The following ATP4A variants were observed in gnomAD, a reference collection of about 807,000 sequenced individuals.
ATP4A encodes potassium-transporting ATPase alpha chain 1.
ATP4A carries 73 observed loss-of-function variants against 112.1 expected under a neutral mutation model. That is an observed-to-expected ratio of 0.65 (90% CI 0.54 to 0.79). ATP4A has a LOEUF of 0.79. Among genes scored for constraint, ATP4A ranks in the 30% least tolerant of loss-of-function variants. The pLI, the probability that ATP4A is intolerant of heterozygous loss-of-function variation, is 0.00. For missense variants in ATP4A, 1,081 were observed against 1,425.9 expected, an observed-to-expected ratio of 0.76 and a Z score of 3.90; for synonymous variants, 588 against 588.9, an observed-to-expected ratio of 1.00 and a Z score of 0.02.
In ATP4A at chr19:35,555,865, T is replaced by A; in HGVS notation, c.1870-53A>T. The A allele has an allele frequency of 6.4e-7, 1 of 1,553,920 alleles. No individual in the cohort carries two copies. Among genetic ancestry groups the A allele is most frequent in the Non-Finnish European group, 8.7e-7 (1 of 1,143,578 alleles). ...CCCCTTCAGATCAGCCCAATCTCCC[T>A]GTCCTCCCTGGGAGACATCTGCTGA... On this transcript the variant is annotated intron_variant, in intron 12 of 21. Transcript: ENST00000262623. This position sits in a 1 kb window ranked among gnomAD's most constrained non-coding sequence, Gnocchi z 6.6.
At chr19:35,553,413 GAGAC>G (rs1174250564) in intron 17 of ATP4A, among the ~76,000 whole-genome samples, 1 of 152,134 alleles carries the variant, frequency 6.6e-6, no homozygotes, top group African/African-American at 2.4e-5. Flanking sequence ...CAGGGACAGA[GAGAC>G]AGAGGCAGGG....
In ATP4A at chr19:35,560,629, G is replaced by T; in HGVS notation, c.535-14C>A. On this transcript the variant is annotated splice_polypyrimidine_tract_variant and intron_variant, in intron 5 of 21. Transcript: ENST00000262623. The surrounding 1 kb of genome is among the most constrained non-coding windows in gnomAD (Gnocchi z 5.1). ...GACAGTGGCTTGCTGCGGGGCAGGGGCACCAAAGTTGAGGTGGACGGGGGT... is the reference window on the plus strand; with the variant it reads ...GACAGTGGCTTGCTGCGGGGCAGGGTCACCAAAGTTGAGGTGGACGGGGGT... 3.6e-6 allele frequency: 5 copies of T among 1,408,400 alleles called. No individual in the cohort carries two copies. The highest frequency in any genetic ancestry group is 4.8e-6 in the Non-Finnish European group (5 of 1,039,574). 87.2% of individuals were successfully genotyped at this position (1,408,400 alleles called of 1,614,324 possible). A position where few individuals can be genotyped will look rare whatever the true frequency, so the allele number is the denominator to read the frequency against.
rs1410911625 is a variant in ATP4A, at chr19:35,557,465, C to G, written c.1693+190G>C. Among the ~76,000 whole-genome samples the G allele has an allele frequency of 6.6e-6, 1 of 152,114 alleles. No homozygotes were observed. The highest frequency in any genetic ancestry group is 1.5e-5 in the Non-Finnish European group (1 of 68,018). On this transcript the variant is annotated intron_variant, in intron 11 of 21. Transcript: ENST00000262623. The surrounding 1 kb of genome is among the most constrained non-coding windows in gnomAD (Gnocchi z 4.4). ...TAAAAGTCCAGGTGAGGACTGGGGT[C>G]AAGGTAGAAAGTGAGGACAGACAGG...
intron 4 of ATP4A, among the ~76,000 whole-genome samples, chr19:35,561,377 A>C: frequency 6.6e-6 from 1 of 150,668 alleles, no homozygotes; most frequent in East Asian, 2.0e-4. Context: ...ATCTGCTGCC[A>C]CCCTCTGTGT....
chr19:35,555,557 C>T lies in ATP4A; in HGVS notation c.2040G>A (p.Gln680=). The T allele has an allele frequency of 6.3e-7, 1 of 1,589,780 alleles. No individual in the cohort carries two copies. The highest frequency in any genetic ancestry group is 8.6e-7 in the Non-Finnish European group (1 of 1,163,060). Residue 680 remains glutamine, a synonymous_variant, in exon 14 of 22, where the codon CAG becomes CAA. Coordinates refer to ENST00000262623, the MANE Select transcript of ATP4A (RefSeq NM_000704.3). This position sits in a 1 kb window ranked among gnomAD's most constrained non-coding sequence, Gnocchi z 6.6. ...GTTCCGATGGGTCCATGTCCTTCAGCTGCATGCCATTGATCACACAGGCAC... is the reference window on the plus strand; with the variant it reads ...GTTCCGATGGGTCCATGTCCTTCAGTTGCATGCCATTGATCACACAGGCAC... The part of the protein sequence containing the change: ...DARACVINGM[Q]LKDMDPSELV...
intron 12 of ATP4A, among the ~76,000 whole-genome samples, chr19:35,556,176 G>A (rs1188600345): frequency 6.6e-6 from 1 of 152,216 alleles, no homozygotes; most frequent in East Asian, 1.9e-4. Flanking sequence ...GGAAAGCTGG[G>A]AGAAGAGTGC....
At position 35,560,819 on chromosome 19, in the gene ATP4A, C is replaced by T. The variant is rs1187101421; in HGVS notation, c.534G>A (p.Gln178=). 3 of 1,613,794 alleles carry T rather than the reference C, an allele frequency of 1.9e-6. No homozygotes were observed. The highest frequency in any genetic ancestry group is 2.7e-5 in the African/African-American group (2 of 74,850). ...IIASFKNLVP[Q]QATVIRDGDK... ...AGTGGCTGGGTGCTGGGGAACCCACCTGTGGCACAAGGTTCTTAAAGCTGG... is the reference window on the plus strand; with the variant it reads ...AGTGGCTGGGTGCTGGGGAACCCACTTGTGGCACAAGGTTCTTAAAGCTGG... The change falls in exon 5 of 22, where the codon CAG becomes CAA. Residue 178 remains glutamine (Q), a splice_region_variant and synonymous_variant. Transcript: ENST00000262623. The surrounding 1 kb of genome is among the most constrained non-coding windows in gnomAD (Gnocchi z 5.1).
rs779689015 is a variant in ATP4A, at chr19:35,563,215, G to A, written c.210C>T (p.Ala70=). 1.2e-6 allele frequency: 2 copies of A among 1,613,754 alleles called. No homozygotes were observed. The highest frequency in any genetic ancestry group is 1.1e-5 in the South Asian group (1 of 91,058). The change falls in exon 3 of 22, where the codon GCC becomes GCT. Residue 70 remains alanine (A), a synonymous_variant. Coordinates refer to ENST00000262623, the MANE Select transcript of ATP4A (RefSeq NM_000704.3). The part of the protein sequence containing the change: ...AELEQKYQTS[A]TKGLSASLAA... ...CTCCCAGTCTCCAGCTCACCTTGGT[G>A]GCACTGGTCTGGTATTTCTGTTCCA... is the stretch of plus-strand genomic sequence containing the variant.
chr19:35,553,203 A>G, intron 17 of ATP4A, 21 bp from the exon 18 acceptor site: 1 of 1,581,880 alleles, frequency 6.3e-7, no homozygotes, highest in South Asian at 1.1e-5. Flanking sequence ...ACAAGGGGAC[A>G]CAGGGAGACA....
At position 35,553,046 on chromosome 19, in the gene ATP4A, G is replaced by GC; in HGVS notation, c.2741dup (p.Gln915ProfsTer24). ...GCGGGGCAGGGCTCACCCACTCCTG[G>GC]CCGTAGCTGTCCTGCAGATCTTGTA... On this transcript the variant is annotated frameshift_variant, in exon 18 of 22. Coordinates refer to ENST00000262623, the MANE Select transcript of ATP4A (RefSeq NM_000704.3). LOFTEE classifies it high-confidence loss of function. The GC allele has an allele frequency of 6.2e-7, 1 of 1,601,502 alleles. No homozygotes were observed. Among genetic ancestry groups the GC allele is most frequent in the Non-Finnish European group, 8.5e-7 (1 of 1,170,034 alleles).
rs1568315802 is a variant in ATP4A, at chr19:35,560,105, AG to A, written c.788-33del. On this transcript the variant is annotated intron_variant, in intron 6 of 21. Transcript: ENST00000262623. This position sits in a 1 kb window ranked among gnomAD's most constrained non-coding sequence, Gnocchi z 5.1. ...GGGGGCCAAGGCGCGACTCAGGGAT[AG>A]GGGGCGGCAGTGGGGTGTGCACTGC... 1 of 1,610,024 alleles carries A rather than the reference AG, an allele frequency of 6.2e-7. No individual in the cohort carries two copies.
chr19:35,562,209 A>G (rs1026488517), intron 4 of ATP4A, among the ~76,000 whole-genome samples: 46 of 151,382 alleles, frequency 3.0e-4, no homozygotes, highest in Admixed American at 3.3e-4. Context: ...GCCCCCACCT[A>G]TGTCCCCATA....
chr19:35,558,778 C>A lies in ATP4A; in HGVS notation c.1256-92G>T. 1 of 1,376,764 alleles carries A rather than the reference C, an allele frequency of 7.3e-7. No individual in the cohort carries two copies. Among genetic ancestry groups the A allele is most frequent in the South Asian group, 1.4e-5 (1 of 70,854 alleles). The allele number at this position is 1,376,764 out of a possible 1,614,324, so 85.3% of individuals were successfully genotyped here. A position where few individuals can be genotyped will look rare whatever the true frequency, so the allele number is the denominator to read the frequency against. ...CTCCTAGGCTCATATCGCGGGCCCCCTCCCCAGACCTGGGTGGAATTGGGT... is the reference window on the plus strand; with the variant it reads ...CTCCTAGGCTCATATCGCGGGCCCCATCCCCAGACCTGGGTGGAATTGGGT... On this transcript the variant is annotated intron_variant, in intron 8 of 21. Coordinates refer to ENST00000262623, the MANE Select transcript of ATP4A (RefSeq NM_000704.3). The surrounding 1 kb of genome is among the most constrained non-coding windows in gnomAD (Gnocchi z 5.1).
In ATP4A at chr19:35,553,765, T is replaced by A; in HGVS notation, c.2546A>T (p.Asn849Ile). ...ESDIMHLRPR[N>I]PKRDRLVNEP... is the part of the protein sequence containing the mutation. ...GTTGACCAATCTGTCACGCTTTGGGTTGCGTGGACGCAGGTGCATGATGTC... is the reference window on the plus strand; with the variant it reads ...GTTGACCAATCTGTCACGCTTTGGGATGCGTGGACGCAGGTGCATGATGTC... The change falls in exon 17 of 22, where the codon AAC (asparagine) becomes ATC (isoleucine). Residue 849 changes from asparagine (N) to isoleucine (I), a missense_variant. Asn to Ile is a moderately radical substitution (Grantham distance 149, BLOSUM62 -3). This residue lies in a region of ATP4A where 219 missense variants were observed against 320.9 expected (regional missense o/e 0.68). Coordinates refer to ENST00000262623, the MANE Select transcript of ATP4A (RefSeq NM_000704.3). 1.2e-6 allele frequency: 2 copies of A among 1,611,924 alleles called. No individual in the cohort carries two copies. Among genetic ancestry groups the A allele is most frequent in the Non-Finnish European group, 1.7e-6 (2 of 1,179,180 alleles).
rs756277405 is a variant in ATP4A, at chr19:35,551,448, T to G, written c.2884A>C (p.Arg962=). 1 of 1,614,012 alleles carries G rather than the reference T, an allele frequency of 6.2e-7. No homozygotes were observed. The highest frequency in any genetic ancestry group is 8.5e-7 in the Non-Finnish European group (1 of 1,180,002). Residue 962 remains arginine (R), a splice_region_variant and synonymous_variant, in exon 19 of 22, where the codon AGG becomes CGG. Transcript: ENST00000262623. This position sits in a 1 kb window ranked among gnomAD's most constrained non-coding sequence, Gnocchi z 5.2. ...RLSAFQQGFF[R]NKILVIAIVF... ...AGGAAGAGGGCCAGCCAGGGACACC[T>G]GAAGAAGCCTTGCTGGAAGGCAGAG...
Position 35,558,404 on chromosome 19 carries a change from T to G in ATP4A, c.1458A>C (p.Pro486=). The G allele has an allele frequency of 6.2e-7, 1 of 1,611,422 alleles. No homozygotes were observed. Among genetic ancestry groups the G allele is most frequent in the South Asian group, 1.1e-5 (1 of 90,472 alleles). Residue 486 remains proline (P), a synonymous_variant, in exon 10 of 22, where the codon CCA becomes CCC. Coordinates refer to ENST00000262623, the MANE Select transcript of ATP4A (RefSeq NM_000704.3). The surrounding 1 kb of genome is among the most constrained non-coding windows in gnomAD (Gnocchi z 5.1). ...GNAMGYRDRF[P]KVCEIPFNST... is the part of the protein sequence containing the mutation. ...AGTTGAAGGGTATCTCGCAGACTTT[T>G]GGGAAGCGGTCCCGGTAGCCCATGG...
chr19:35,555,466 C>A lies in ATP4A; in HGVS notation c.2131G>T (p.Val711Leu), dbSNP rs1438528208. ...AGCCGCTGGCAGCTCTCCACGATCA[C>A]CAGCTTCTGCTGGGGGCTGGTGCGC... ...FARTSPQQKL[V>L]IVESCQRLGA... Residue 711 changes from valine to leucine, a missense_variant, in exon 14 of 22, where the codon GTG becomes TTG. Val to Leu is a conservative substitution (Grantham distance 32). Coordinates refer to ENST00000262623, the MANE Select transcript of ATP4A (RefSeq NM_000704.3). The surrounding 1 kb of genome is among the most constrained non-coding windows in gnomAD (Gnocchi z 6.6). The A allele has an allele frequency of 6.2e-7, 1 of 1,612,104 alleles. No individual in the cohort carries two copies. The highest frequency in any genetic ancestry group is 8.5e-7 in the Non-Finnish European group (1 of 1,179,024).
Position 35,558,274 on chromosome 19 carries a change from A to G in ATP4A, c.1500+88T>C, listed in dbSNP as rs1268097936. The G allele has an allele frequency of 2.0e-6, 3 of 1,470,684 alleles. No homozygotes were observed. The highest frequency in any genetic ancestry group is 2.7e-6 in the Non-Finnish European group (3 of 1,096,414). The allele number at this position is 1,470,684 out of a possible 1,614,324, so 91.1% of individuals were successfully genotyped here. On this transcript the variant is annotated intron_variant, in intron 10 of 21. Coordinates refer to ENST00000262623, the MANE Select transcript of ATP4A (RefSeq NM_000704.3). The surrounding 1 kb of genome is among the most constrained non-coding windows in gnomAD (Gnocchi z 5.1). ...TGCGGAGAGAAGGGGCAAGGAGCGA[A>G]GCCCCTCGTGGCCCGCTGATGTGGG... is the stretch of plus-strand genomic sequence containing the variant.
In ATP4A at chr19:35,551,305, C is replaced by A. The variant is rs2301617; in HGVS notation, c.2885+142G>T. ...AGGGGGCCGTGGGGGGAGTTATTGGCCAGTTAGAAAGGTTTTTTTGGCATG... is the reference window on the plus strand; with the variant it reads ...AGGGGGCCGTGGGGGGAGTTATTGGACAGTTAGAAAGGTTTTTTTGGCATG... On this transcript the variant is annotated intron_variant, in intron 19 of 21. Transcript: ENST00000262623. This position sits in a 1 kb window ranked among gnomAD's most constrained non-coding sequence, Gnocchi z 5.2. 6.5e-6 allele frequency: 9 copies of A among 1,380,754 alleles called. No homozygotes were observed. Among genetic ancestry groups the A allele is most frequent in the Non-Finnish European group, 7.9e-6 (8 of 1,010,428 alleles). The allele number at this position is 1,380,754 out of a possible 1,614,324, so 85.5% of individuals were successfully genotyped here.
Sources: gnomAD v4.1 joint callset for allele counts (sites outside exome capture counted in the v4.1 genomes callset) on GRCh38, gnomAD v4.1.1 for gene constraint, gnomAD v4.1.1 regional missense constraint, Gnocchi (gnomAD v3.1) non-coding constraint, MANE v1.5 for transcripts, NCBI Gene and HGNC (gene_info 2026-07-23, HGNC 2026-07-21) for gene names.